The following BTBD9 variants were observed in gnomAD, a reference collection of about 807,000 sequenced individuals.
BTBD9 encodes BTB/POZ domain-containing protein 9.
A neutral mutation model predicts 64.3 loss-of-function variants in BTBD9; 49 were observed. The ratio of observed to expected loss-of-function variants is 0.76; its 90% confidence interval spans 0.61 to 0.97. The LOEUF (loss-of-function observed/expected upper bound fraction) is 0.97. Among genes scored for constraint, BTBD9 ranks in the 50% least tolerant of loss-of-function variants. BTBD9 has a pLI of 0.00. For synonymous variants in BTBD9, 260 were observed against 274.7 expected, an observed-to-expected ratio of 0.95 and a Z score of 0.53; for missense variants, 598 against 762.1, an observed-to-expected ratio of 0.78 and a Z score of 2.53.
chr6:38,432,182 T>C (rs538418577), intron 6 of BTBD9, among the ~76,000 whole-genome samples: 1 of 152,100 alleles, frequency 6.6e-6, no homozygotes, highest in South Asian at 2.1e-4. Flanking sequence ...CATGTTATGA[T>C]GTGGTAAAAA....
chr6:38,352,532 T>C (rs1764561179), intron 6 of BTBD9, among the ~76,000 whole-genome samples: 1 of 152,224 alleles, frequency 6.6e-6, no homozygotes, highest in African/African-American at 2.4e-5. Flanking sequence ...TTGACAGAAC[T>C]GAATCAAAAG....
At chr6:38,635,385 C>T (rs2081900359) in intron 1 of BTBD9, among the ~76,000 whole-genome samples, 1 of 152,178 alleles carries the variant, frequency 6.6e-6, no homozygotes, top group African/African-American at 2.4e-5. Context: ...ATCCACCCAC[C>T]TCAGCCTCCC....
chr6:38,185,238 A>G (rs545969509), intron 10 of BTBD9, among the ~76,000 whole-genome samples: 51 of 152,280 alleles, frequency 3.3e-4, no homozygotes, highest in African/African-American at 1.2e-3. Flanking sequence ...CAGCCATTTG[A>G]AATCTCACCC....
chr6:38,491,703 AT>A (rs545726295), intron 6 of BTBD9, among the ~76,000 whole-genome samples: 88 of 152,276 alleles, frequency 5.8e-4, no homozygotes, highest in African/African-American at 2.0e-3. Flanking sequence ...TAAAAAAAAA[AT>A]CTCATTCTCA....
intron 7 of BTBD9, among the ~76,000 whole-genome samples, chr6:38,332,666 A>G (rs1763726438): frequency 6.6e-6 from 1 of 152,102 alleles, no homozygotes; most frequent in Non-Finnish European, 1.5e-5. Flanking sequence ...ATTCTCTTGG[A>G]AAATATTTTA....
chr6:38,192,476 A>C, intron 10 of BTBD9, 43 bp downstream of exon 10: 1 of 1,540,364 alleles, frequency 6.5e-7, no homozygotes, highest in East Asian at 2.2e-5. Context: ...TTACCTGTAC[A>C]TCATGAAATC....
chr6:38,470,058 T>C (rs536816820), intron 6 of BTBD9, among the ~76,000 whole-genome samples: 5 of 152,212 alleles, frequency 3.3e-5, no homozygotes, highest in African/African-American at 1.2e-4. Context: ...ACCAACAAGT[T>C]CCAAAGAGAA....
At chr6:38,201,975 T>A (rs923633256) in intron 9 of BTBD9, among the ~76,000 whole-genome samples, 1 of 152,046 alleles carries the variant, frequency 6.6e-6, no homozygotes, top group African/African-American at 2.4e-5. Context: ...CTTATGCTCA[T>A]GGATTAGAAT....
chr6:38,487,893 C>T (rs1771529476), intron 6 of BTBD9, among the ~76,000 whole-genome samples: 3 of 152,040 alleles, frequency 2.0e-5, no homozygotes, highest in South Asian at 4.2e-4. Context: ...GCCCACAAGG[C>T]CTGAAATTTT....
At chr6:38,494,677 C>T (rs1771868182) in intron 6 of BTBD9, among the ~76,000 whole-genome samples, 1 of 152,166 alleles carries the variant, frequency 6.6e-6, no homozygotes, top group African/African-American at 2.4e-5. Flanking sequence ...AAAGATTTCA[C>T]TGTATGCACA....
chr6:38,186,922 G>T (rs1452069188), intron 10 of BTBD9, among the ~76,000 whole-genome samples: 4 of 152,046 alleles, frequency 2.6e-5, no homozygotes, highest in Non-Finnish European at 4.4e-5. Flanking sequence ...AATCACTCCA[G>T]AACTTTCAAA....
chr6:38,381,825 G>A (rs898044451), intron 6 of BTBD9, among the ~76,000 whole-genome samples: 3 of 151,588 alleles, frequency 2.0e-5, no homozygotes, highest in Non-Finnish European at 2.9e-5. Context: ...AAAAACACAC[G>A]TACGACTGCA....
At chr6:38,212,603 G>A (rs1237743098) in intron 9 of BTBD9, among the ~76,000 whole-genome samples, 2 of 152,082 alleles carry the variant, frequency 1.3e-5, no homozygotes, top group Non-Finnish European at 2.9e-5. Flanking sequence ...AGAGCCAGCC[G>A]CTTGGCCACA....
chr6:38,464,484 A>C (rs1386022606), intron 6 of BTBD9, among the ~76,000 whole-genome samples: 1 of 120,456 alleles, frequency 8.3e-6, no homozygotes, highest in Non-Finnish European at 1.8e-5. Flanking sequence ...TATTGTCTAT[A>C]ATTTTCTTTT....
intron 6 of BTBD9, among the ~76,000 whole-genome samples, chr6:38,513,072 C>T (rs527771732): frequency 6.6e-6 from 1 of 152,162 alleles, no homozygotes; most frequent in Non-Finnish European, 1.5e-5. Flanking sequence ...AATGCCTAAC[C>T]ATAGAATCCA....
chr6:38,203,300 GA>G (rs1165122702), intron 9 of BTBD9, among the ~76,000 whole-genome samples: 3 of 151,960 alleles, frequency 2.0e-5, no homozygotes, highest in African/African-American at 7.2e-5. Context: ...TTCAAGCTGA[GA>G]AATAAATTTT....
chr6:38,529,161 G>A (rs1462011447), intron 6 of BTBD9, among the ~76,000 whole-genome samples: 1 of 152,174 alleles, frequency 6.6e-6, no homozygotes, highest in South Asian at 2.1e-4. Flanking sequence ...TGGTCACTGT[G>A]GGGCTTGGGA....
At chr6:38,338,836 A>G (rs1002142539) in intron 7 of BTBD9, among the ~76,000 whole-genome samples, 1 of 152,202 alleles carries the variant, frequency 6.6e-6, no homozygotes, top group African/African-American at 2.4e-5. Flanking sequence ...AAAAAAGGGA[A>G]TGCAAATGGC....
intron 9 of BTBD9, among the ~76,000 whole-genome samples, chr6:38,199,407 C>G (rs1037472961): frequency 6.6e-6 from 1 of 152,162 alleles, no homozygotes; most frequent in Non-Finnish European, 1.5e-5. Context: ...GTCCCTCTCT[C>G]CTTTCTTCCA....
Sources: allele counts gnomAD v4.1 joint callset (sites outside exome capture counted in the v4.1 genomes callset), GRCh38; gene constraint gnomAD v4.1.1; transcripts MANE v1.5; gene names NCBI Gene and HGNC (gene_info 2026-07-23, HGNC 2026-07-21).